The following PBRM1 variants were observed in gnomAD, a reference collection of about 807,000 sequenced individuals.
The protein encoded by PBRM1 is protein polybromo-1.
PBRM1 carries 27 observed loss-of-function variants against 194.5 expected under a neutral mutation model. That is an observed-to-expected ratio of 0.14 (90% CI 0.10 to 0.19). The LOEUF is 0.19. Ranked by LOEUF, PBRM1 falls within the 10% of genes least tolerant of loss-of-function variation. The pLI is 1.00. For missense variants in PBRM1, 1,466 were observed against 2,077.2 expected (o/e 0.71, Z 5.72); for synonymous variants, 655 against 693.2 (o/e 0.94, Z 0.87).
chr3:52,562,909 C>T (rs914495859), intron 24 of PBRM1, among the ~76,000 whole-genome samples: 2 of 152,014 alleles, frequency 1.3e-5, no homozygotes, highest in Non-Finnish European at 2.9e-5. Flanking sequence ...TGAGGTCCTA[C>T]ATAAGGAGAG....
At chr3:52,683,181 C>A (rs1001653349), upstream of PBRM1, among the ~76,000 whole-genome samples, 4 of 149,756 alleles carry the variant, frequency 2.7e-5, no homozygotes, top group Non-Finnish European at 4.4e-5. Context: ...CCACCCTGGA[C>A]GTCAGAGCAA....
chr3:52,674,639 AAAAAAT>A (rs375721886), intron 2 of PBRM1, among the ~76,000 whole-genome samples: 31,046 of 126,026 alleles, frequency 0.25, 3,889 homozygotes, highest in Admixed American at 0.33. Flanking sequence ...AAAAAAAAAA[AAAAAAT>A]ATATATATAT....
At chr3:52,655,698 A>G (rs1301081966) in intron 5 of PBRM1, among the ~76,000 whole-genome samples, 1 of 152,200 alleles carries the variant, frequency 6.6e-6, no homozygotes, top group Non-Finnish European at 1.5e-5. Flanking sequence ...TAATAATTAC[A>G]TCTTTCTAGT....
At chr3:52,548,087 T>C (rs958207756) in exon 30 of PBRM1, 5 of 1,610,924 alleles carry the variant, frequency 3.1e-6, no homozygotes, top group South Asian at 1.1e-5. Flanking sequence ...GGTTGTATGC[T>C]TGGCGAATGT....
chr3:52,656,165 G>C (rs2096603911), intron 5 of PBRM1, among the ~76,000 whole-genome samples: 1 of 152,070 alleles, frequency 6.6e-6, no homozygotes, highest in Admixed American at 6.6e-5. Context: ...TTATCTTTTG[G>C]GTGTAAAGGC....
At chr3:52,604,351 G>A (rs2094200220) in intron 16 of PBRM1, among the ~76,000 whole-genome samples, 1 of 152,116 alleles carries the variant, frequency 6.6e-6, no homozygotes, top group African/African-American at 2.4e-5. Flanking sequence ...AGTGAAAGAT[G>A]GAAAAAAGAT....
intron 17 of PBRM1, among the ~76,000 whole-genome samples, chr3:52,591,096 T>C (rs978776558): frequency 4.6e-5 from 7 of 152,350 alleles, no homozygotes; most frequent in African/African-American, 1.7e-4. Flanking sequence ...ATAGTGATTT[T>C]TGTATACTGA....
chr3:52,601,554 G>A (rs997793879), intron 17 of PBRM1, among the ~76,000 whole-genome samples: 1 of 151,828 alleles, frequency 6.6e-6, no homozygotes, highest in Admixed American at 6.6e-5. Flanking sequence ...GCCACTCACC[G>A]GCTCCTGTGG....
At position 52,674,256 on chromosome 3, in the gene PBRM1, C is replaced by T. The variant is rs994770976; in HGVS notation, c.236+4244G>A. Among the ~76,000 whole-genome samples the T allele has an allele frequency of 2.0e-5, 3 of 151,562 alleles. No individual in the cohort carries two copies. The South Asian group carries it at 6.2e-4, about 32-fold the overall frequency. Reference sequence around the variant, plus strand: ...CAGCACTTTGGAAGGCCAAGGTAGGCGGATCACCTAAGGTCGGGAGTTTGA... The same window carrying T: ...CAGCACTTTGGAAGGCCAAGGTAGGTGGATCACCTAAGGTCGGGAGTTTGA... On this transcript the variant is annotated intron_variant, in intron 2 of 29. Coordinates refer to ENST00000296302, the Ensembl canonical transcript of PBRM1.
intron 22 of PBRM1, among the ~76,000 whole-genome samples, chr3:52,575,251 C>CAAAT (rs398071821): frequency 5.0e-4 from 75 of 151,480 alleles, no homozygotes; most frequent in Non-Finnish European, 9.0e-4. Context: ...AACAAACAAA[C>CAAAT]GTTTAGAAGA....
intron 14 of PBRM1, among the ~76,000 whole-genome samples, chr3:52,616,882 G>C (rs561398395): frequency 6.6e-6 from 1 of 152,204 alleles, no homozygotes; most frequent in East Asian, 1.9e-4. Context: ...GCTTTCCTTT[G>C]AGTGCTTATT....
intron 10 of PBRM1, among the ~76,000 whole-genome samples, chr3:52,636,838 G>A (rs1490630957): frequency 3.7e-5 from 5 of 134,844 alleles, no homozygotes; most frequent in African/African-American, 1.4e-4. Context: ...CTGCCTGGGC[G>A]ACAGAGTGAG....
At chr3:52,641,329 C>G (rs918059097) in intron 10 of PBRM1, among the ~76,000 whole-genome samples, 2 of 151,346 alleles carry the variant, frequency 1.3e-5, no homozygotes, top group Non-Finnish European at 2.9e-5. Flanking sequence ...TGTCTGTAGT[C>G]CCAGTTACTC....
chr3:52,584,925 A>G (rs7614498), intron 20 of PBRM1, among the ~76,000 whole-genome samples: 3 of 151,704 alleles, frequency 2.0e-5, no homozygotes, highest in Non-Finnish European at 4.4e-5. Context: ...ATATGAATTT[A>G]AAAAAAAATT....
In PBRM1 at chr3:52,642,050, A is replaced by G; in HGVS notation, c.996-5T>C. 2.0e-6 allele frequency: 1 copy of G among 497,750 alleles called. No individual in the cohort carries two copies. The highest frequency in any genetic ancestry group is 3.3e-5 in the Admixed American group (1 of 30,084). The allele number at this position is 497,750 out of a possible 1,614,324, so 30.8% of individuals were successfully genotyped here. The stretch of plus-strand genomic sequence containing the variant: ...CCTTGTACTGCTCTTTTATTACTAC[A>G]AAAAAAAAAAAAGCAATTAGACAGG... On this transcript the variant is annotated splice_polypyrimidine_tract_variant and splice_region_variant and intron_variant, in intron 9 of 29. Transcript: ENST00000296302.
intron 5 of PBRM1, among the ~76,000 whole-genome samples, chr3:52,656,537 T>C (rs903305926): frequency 6.6e-6 from 1 of 152,170 alleles, no homozygotes; most frequent in Non-Finnish European, 1.5e-5. Flanking sequence ...TGGTGGTGCA[T>C]GCCTGTAATC....
intron 10 of PBRM1, among the ~76,000 whole-genome samples, chr3:52,636,162 C>T (rs1040850638): frequency 6.6e-5 from 10 of 151,928 alleles, no homozygotes; most frequent in Admixed American, 1.3e-4. Context: ...TGAGCCACCA[C>T]GCCCAGCCTA....
intron 29 of PBRM1, 101 bp from the exon 32 acceptor site, chr3:52,548,336 A>G (rs1239489999): frequency 3.0e-6 from 2 of 671,918 alleles, no homozygotes; most frequent in Non-Finnish European, 4.7e-6. Context: ...CAAAACATTG[A>G]ATATTTATTA....
rs2154056708 is a variant in PBRM1, at chr3:52,678,482, G to C, written c.236+18C>G. 6.6e-7 allele frequency: 1 copy of C among 1,520,928 alleles called. No homozygotes were observed. The highest frequency in any genetic ancestry group is 9.1e-7 in the Non-Finnish European group (1 of 1,095,040). The allele number at this position is 1,520,928 out of a possible 1,614,324, so 94.2% of individuals were successfully genotyped here. A position where few individuals can be genotyped will look rare whatever the true frequency, so the allele number is the denominator to read the frequency against. ...GGACCAAATCCCCCGCAACTGTACT[G>C]ATGTGCTTCGAACTCACCTTCGCTT... On this transcript the variant is annotated intron_variant, in intron 2 of 29. Coordinates refer to ENST00000296302, the Ensembl canonical transcript of PBRM1.
Sources: allele counts gnomAD v4.1 joint callset (sites outside exome capture counted in the v4.1 genomes callset), GRCh38; gene constraint gnomAD v4.1.1; transcripts MANE v1.5; gene names NCBI Gene and HGNC (gene_info 2026-07-23, HGNC 2026-07-21).